Variants in LARS1 observed in about 807,000 individuals in gnomAD.
The protein encoded by LARS1 is leucine--tRNA ligase, cytoplasmic.
LARS1 carries 100 observed loss-of-function variants against 162.8 expected under a neutral mutation model. The ratio of observed to expected loss-of-function variants is 0.61; its 90% CI spans 0.52 to 0.73. The LOEUF is 0.73. Among genes scored for constraint, LARS1 ranks in the 30% least tolerant of loss-of-function variants. The pLI, the probability that LARS1 is intolerant of heterozygous loss-of-function variation, is 0.00. For missense variants in LARS1, 1,258 were observed against 1,408.9 expected (o/e 0.89, Z 1.71); for synonymous variants, 457 against 462.8 (o/e 0.99, Z 0.16).
At chr5:146,181,873 T>TTTTTTTTTTTC (rs1754878862) in intron 1 of LARS1, among the ~76,000 whole-genome samples, 1 of 133,150 alleles carries the variant, frequency 7.5e-6, no homozygotes, top group Non-Finnish European at 1.6e-5. Flanking sequence ...TTTTTTTTTT[T>TTTTTTTTTTTC]TTTTTTGCTG....
At chr5:146,130,836 G>GA (rs1038177587) in intron 24 of LARS1, 183 bp downstream of exon 24, 40 of 444,388 alleles carry the variant, frequency 9.0e-5, no homozygotes, top group African/African-American at 6.9e-4. Flanking sequence ...GGACACAATA[G>GA]AAAAAATACC....
chr5:146,136,994 C>T (rs563389698), intron 21 of LARS1, among the ~76,000 whole-genome samples: 64 of 152,070 alleles, frequency 4.2e-4, no homozygotes, highest in African/African-American at 1.4e-3. Flanking sequence ...CTCTGCCTCT[C>T]GGGTTCAAGC....
At chr5:146,120,531 T>C (rs1480637315) in intron 30 of LARS1, 28 bp from the exon 31 acceptor site, 2 of 1,604,402 alleles carry the variant, frequency 1.2e-6, no homozygotes, top group Admixed American at 3.5e-5. Flanking sequence ...AAATGATTGT[T>C]TAACTTGAAT....
At position 146,136,958 on chromosome 5, in the gene LARS1, A is replaced by G. The variant is rs189218772; in HGVS notation, c.2149-1294T>C. ...TCTTGTCGCGCAAGGCCTGAGTGCA[A>G]TGGCACGTTCTCAAATCACTGTAAC... On this transcript the variant is annotated intron_variant, in intron 21 of 31. Coordinates refer to ENST00000394434, the MANE Select transcript of LARS1 (RefSeq NM_020117.11). Among the ~76,000 whole-genome samples the G allele has an allele frequency of 2.0e-3, 303 of 152,134 alleles. 4 individuals are homozygous for G. The highest frequency in any genetic ancestry group is 7.0e-3 in the African/African-American group (289 of 41,510).
intron 20 of LARS1, among the ~76,000 whole-genome samples, chr5:146,140,775 A>T (rs1048887772): frequency 3.9e-5 from 6 of 152,216 alleles, no homozygotes; most frequent in Non-Finnish European, 7.3e-5. Context: ...ACTGCACTCC[A>T]GCCTAGGCGA....
intron 28 of LARS1, among the ~76,000 whole-genome samples, chr5:146,124,777 G>A (rs1751974697): frequency 6.6e-6 from 1 of 151,694 alleles, no homozygotes; most frequent in Non-Finnish European, 1.5e-5. Context: ...CACTGTTTTC[G>A]CTTACTATGC....
intron 20 of LARS1, among the ~76,000 whole-genome samples, chr5:146,141,487 A>T (rs1006908643): frequency 3.9e-5 from 6 of 152,234 alleles, no homozygotes; most frequent in Non-Finnish European, 8.8e-5. Context: ...CAATTTGCCT[A>T]CAAATGCATT....
chr5:146,148,766 G>A (rs1041965061), intron 15 of LARS1, among the ~76,000 whole-genome samples: 2 of 152,002 alleles, frequency 1.3e-5, no homozygotes, highest in African/African-American at 4.8e-5. Context: ...CAAGCATTTA[G>A]GTCAGAGATC....
rs1753577775 is a variant in LARS1 at position 146,157,393 on chromosome 5, T to C, written c.1065+10A>G. On this transcript the variant is annotated intron_variant, in intron 10 of 31. Transcript: ENST00000394434. ...ACGCATTAAAATAAAAAATCTGCTA[T>C]CCAACTTACCTCCCCCATTAATTCC... is the stretch of plus-strand genomic sequence containing the variant. The C allele has an allele frequency of 1.2e-6, 2 of 1,609,040 alleles. No individual in the cohort carries two copies. Among genetic ancestry groups the C allele is most frequent in the South Asian group, 2.2e-5 (2 of 90,468 alleles).
At chr5:146,132,671 C>T (rs1752335561) in intron 23 of LARS1, 1 of 361,278 alleles carries the variant, frequency 2.8e-6, no homozygotes, top group Non-Finnish European at 4.9e-6. Flanking sequence ...TAAAATAGAG[C>T]TAATAATATC....
chr5:146,165,883 G>C (rs1432425549), intron 5 of LARS1, among the ~76,000 whole-genome samples: 2 of 152,214 alleles, frequency 1.3e-5, no homozygotes, highest in East Asian at 1.9e-4. Context: ...GTTTCTCACT[G>C]TTGTAGTAAG....
intron 28 of LARS1, among the ~76,000 whole-genome samples, chr5:146,126,203 C>G (rs1290750792): frequency 6.6e-6 from 1 of 152,040 alleles, no homozygotes; most frequent in Non-Finnish European, 1.5e-5. Context: ...GGGAATAGTT[C>G]AGTGCAGCCA....
chr5:146,115,580 C>CAAA (rs1561792295), intron 31 of LARS1, among the ~76,000 whole-genome samples: 1 of 23,694 alleles, frequency 4.2e-5, no homozygotes, highest in Non-Finnish European at 9.7e-5. Flanking sequence ...TAGCGCCTGA[C>CAAA]CAAAAAAAAA....
chr5:146,120,600 A>G lies in LARS1; in HGVS notation c.3193-97T>C, dbSNP rs1473097174. On this transcript the variant is annotated intron_variant, in intron 30 of 31. Transcript: ENST00000394434. ...TCAATGCCCAATGAAAGACAGATCT[A>G]ATTCTGGTATTTTAAAATCATGACT... is the stretch of plus-strand genomic sequence containing the variant. The G allele has an allele frequency of 2.1e-5, 25 of 1,190,748 alleles. No homozygotes were observed. The East Asian group carries it at 5.8e-4, about 28-fold the overall frequency. 73.8% of individuals were successfully genotyped at this position (1,190,748 alleles called of 1,614,324 possible).
chr5:146,128,611 C>T lies in LARS1; in HGVS notation c.2880+61G>A, dbSNP rs186708319. 7.2e-5 allele frequency: 82 copies of T among 1,141,734 alleles called. No individual in the cohort carries two copies. The African/African-American group carries it at 1.3e-3, about 18-fold the overall frequency. The allele number at this position is 1,141,734 out of a possible 1,614,324, so 70.7% of individuals were successfully genotyped here. ...CCAGACATTGCCAACATCCTAAAAACAAAAACAACATAGGGAGCATACAAC... is the reference window on the plus strand; with the variant it reads ...CCAGACATTGCCAACATCCTAAAAATAAAAACAACATAGGGAGCATACAAC... On this transcript the variant is annotated intron_variant, in intron 27 of 31. Coordinates refer to ENST00000394434, the MANE Select transcript of LARS1 (RefSeq NM_020117.11).
At chr5:146,123,218 T>A (rs1209290034) in intron 29 of LARS1, among the ~76,000 whole-genome samples, 1 of 151,826 alleles carries the variant, frequency 6.6e-6, no homozygotes, top group Non-Finnish European at 1.5e-5. Context: ...AAACCTATAT[T>A]TTTTTTACTT....
At chr5:146,126,390 A>G (rs1752042278) in intron 28 of LARS1, 45 bp downstream of exon 28, 2 of 1,191,452 alleles carry the variant, frequency 1.7e-6, no homozygotes, top group African/African-American at 1.5e-5. Context: ...TGTCCCATCT[A>G]ACCATTGCTC....
intron 21 of LARS1, among the ~76,000 whole-genome samples, chr5:146,139,367 G>A (rs80162036): frequency 9.6e-5 from 14 of 145,880 alleles, no homozygotes; most frequent in East Asian, 6.1e-4. Context: ...AAAAGAAAAA[G>A]AAAAAAAAAG....
In LARS1 at chr5:146,153,877, T is replaced by C. The variant is rs770373005; in HGVS notation, c.1153+16A>G. 3.1e-6 allele frequency: 5 copies of C among 1,607,796 alleles called. No homozygotes were observed. Among genetic ancestry groups the C allele is most frequent in the Non-Finnish European group, 3.4e-6 (4 of 1,174,582 alleles). Reference sequence around the variant, plus strand: ...GTGTTTATCAAAATATTTCTAGAAATAAATAAACTCTTTACCTTTATCCTC... The same window carrying C: ...GTGTTTATCAAAATATTTCTAGAAACAAATAAACTCTTTACCTTTATCCTC... On this transcript the variant is annotated intron_variant, in intron 11 of 31. Coordinates refer to ENST00000394434, the MANE Select transcript of LARS1 (RefSeq NM_020117.11).
Sources: gnomAD v4.1 joint callset for allele counts (sites outside exome capture counted in the v4.1 genomes callset) on GRCh38, gnomAD v4.1.1 for gene constraint, MANE v1.5 for transcripts, NCBI Gene and HGNC (gene_info 2026-07-23, HGNC 2026-07-21) for gene names.